VRK1: variants seen among roughly 807,000 people sequenced by gnomAD.
VRK1 encodes serine/threonine-protein kinase VRK1.
VRK1 carries 33 observed loss-of-function variants against 57.1 expected under a neutral mutation model. That is an observed-to-expected ratio of 0.58 (90% CI 0.44 to 0.77). The LOEUF (loss-of-function observed/expected upper bound fraction) is 0.77, where lower values mean the gene tolerates loss of function less well. VRK1 is among the 30% of genes least tolerant of loss of function. VRK1 has a pLI of 0.00. For missense variants in VRK1, 413 were observed against 477.3 expected, an observed-to-expected ratio of 0.87 and a Z score of 1.25; for synonymous variants, 137 against 147.8, an observed-to-expected ratio of 0.93 and a Z score of 0.53.
chr14:96,801,967 C>T (rs1486455023), intron 1 of VRK1, among the ~76,000 whole-genome samples: 1 of 151,940 alleles, frequency 6.6e-6, no homozygotes, highest in East Asian at 1.9e-4. Context: ...TCATGTTGTT[C>T]AAGGGTCAGC....
intron 1 of VRK1, among the ~76,000 whole-genome samples, chr14:96,798,753 A>G (rs1480933337): frequency 6.6e-6 from 1 of 152,354 alleles, no homozygotes; most frequent in African/African-American, 2.4e-5. Context: ...TTCAGAAGGA[A>G]GCAAGGGTTC....
At chr14:96,835,084 T>C (rs577507635) in intron 2 of VRK1, among the ~76,000 whole-genome samples, 1 of 152,326 alleles carries the variant, frequency 6.6e-6, no homozygotes, top group South Asian at 2.1e-4. Context: ...TAATAGGCAA[T>C]GATTTGACCT....
intron 11 of VRK1, among the ~76,000 whole-genome samples, chr14:96,861,642 A>G (rs1219517732): frequency 1.3e-5 from 2 of 152,198 alleles, no homozygotes; most frequent in African/African-American, 2.4e-5. Flanking sequence ...TATCTTTTCA[A>G]TTAACAAAGG....
intron 11 of VRK1, among the ~76,000 whole-genome samples, chr14:96,874,323 A>T (rs1396709054): frequency 6.6e-6 from 1 of 152,126 alleles, no homozygotes; most frequent in Non-Finnish European, 1.5e-5. Context: ...GATGTACCTA[A>T]TGCACTCCAT....
chr14:96,808,022 TGTGTGTGTG>T (rs1566683643), intron 1 of VRK1, among the ~76,000 whole-genome samples: 2 of 46,066 alleles, frequency 4.3e-5, no homozygotes, highest in Admixed American at 2.9e-4. Context: ...TCCCTCTGTG[TGTGTGTGTG>T]TGTGTGTGTG....
Position 96,806,740 on chromosome 14 carries a change from A to G in VRK1, c.-6+9293A>G, listed in dbSNP as rs141356050. On this transcript the variant is annotated intron_variant, in intron 1 of 12. Coordinates refer to ENST00000216639, the MANE Select transcript of VRK1 (RefSeq NM_003384.3). ...ATCATCATCATTTTCACTTTGATAT[A>G]CCTGAAGGTATTTTTCTCTGGAGAG... Among the ~76,000 whole-genome samples, 63 of 152,288 alleles carry G rather than the reference A, an allele frequency of 4.1e-4. No homozygotes were observed. The East Asian group carries it at 0.011, about 27-fold the overall frequency.
intron 5 of VRK1, among the ~76,000 whole-genome samples, chr14:96,851,749 A>G (rs1887957752): frequency 6.6e-6 from 1 of 152,250 alleles, no homozygotes; most frequent in Non-Finnish European, 1.5e-5. Context: ...GCCACATACT[A>G]GAGGACAAAT....
At chr14:96,853,877 T>G (rs1157151902) in intron 7 of VRK1, among the ~76,000 whole-genome samples, 3 of 152,138 alleles carry the variant, frequency 2.0e-5, no homozygotes, top group Admixed American at 1.3e-4. Flanking sequence ...AAAGGAAGAT[T>G]TAAACATTTT....
chr14:96,820,536 T>G lies in VRK1; in HGVS notation c.-5-12931T>G, dbSNP rs140727940. Among the ~76,000 whole-genome samples, 1,423 of 152,270 alleles carry G rather than the reference T, an allele frequency of 9.3e-3. 20 individuals carry two copies. Among genetic ancestry groups the G allele is most frequent in the African/African-American group, 0.031 (1,278 of 41,540 alleles). On this transcript the variant is annotated intron_variant, in intron 1 of 12. Coordinates refer to ENST00000216639, the MANE Select transcript of VRK1 (RefSeq NM_003384.3). Reference sequence around the variant, plus strand: ...CCAAATGCGTTGTTGATGTTGTGAGTTGTCTCTGCTGCTTTACAACCCATT... The same window carrying G: ...CCAAATGCGTTGTTGATGTTGTGAGGTGTCTCTGCTGCTTTACAACCCATT...
At chr14:96,814,027 G>A (rs921272066) in intron 1 of VRK1, among the ~76,000 whole-genome samples, 1 of 152,078 alleles carries the variant, frequency 6.6e-6, no homozygotes, top group Non-Finnish European at 1.5e-5. Flanking sequence ...ATAGATGCTT[G>A]AATATTGATG....
chr14:96,823,516 G>A lies in VRK1; in HGVS notation c.-5-9951G>A, dbSNP rs377328116. ...CTTTTCCAGTTGTGTGTGTATGGGG[G>A]CAGGAATGATTCTGTAGTCATCAGG... On this transcript the variant is annotated intron_variant, in intron 1 of 12. Transcript: ENST00000216639. 5.3e-5 allele frequency among the ~76,000 whole-genome samples: 8 copies of A among 152,292 alleles called. No homozygotes were observed. In the East Asian group the frequency reaches 1.5e-3, roughly 29 times the overall value.
At chr14:96,808,012 T>TCTCTCTCC (rs1566683575) in intron 1 of VRK1, among the ~76,000 whole-genome samples, 1 of 113,676 alleles carries the variant, frequency 8.8e-6, no homozygotes, top group African/African-American at 3.7e-5. Context: ...CCTCTCTCTC[T>TCTCTCTCC]CCCTCTGTGT....
Position 96,876,033 on chromosome 14 carries a change from C to G in VRK1, c.1072C>G (p.Arg358Gly), listed in dbSNP as rs137853063. ...TCTCTTTAATTTTATATGTAAGAAG[C>G]GAAAGAAAGAAATTGAAGAAAGCAA... The part of the protein sequence containing the change: ...GLKAKTITKK[R>G]KKEIEESKEP... The change falls in exon 12 of 13, where the codon CGA becomes GGA. Residue 358 changes from arginine (R) to glycine (G), a missense_variant. Around this residue, in one of 3 missense-constraint regions of VRK1, gnomAD observed 146 missense variants for 138.2 expected, o/e 1.06. Transcript: ENST00000216639. The G allele has an allele frequency of 6.2e-7, 1 of 1,612,232 alleles. No individual in the cohort carries two copies. The highest frequency in any genetic ancestry group is 1.3e-5 in the African/African-American group (1 of 74,760).
At chr14:96,808,024 TGTGTG>T (rs1566683651) in intron 1 of VRK1, among the ~76,000 whole-genome samples, 1 of 47,320 alleles carries the variant, frequency 2.1e-5, no homozygotes, top group South Asian at 7.3e-4. Flanking sequence ...CCTCTGTGTG[TGTGTG>T]TGTGTGTGTG....
intron 3 of VRK1, among the ~76,000 whole-genome samples, chr14:96,843,048 A>C (rs747705824): frequency 7.2e-5 from 11 of 152,236 alleles, no homozygotes; most frequent in Non-Finnish European, 1.2e-4. Flanking sequence ...AGACATACCC[A>C]TTCAAGGTAG....
intron 11 of VRK1, among the ~76,000 whole-genome samples, chr14:96,863,890 C>T (rs138942248): frequency 5.3e-5 from 8 of 152,204 alleles, no homozygotes; most frequent in Non-Finnish European, 1.0e-4. Context: ...GCAGCTGCTC[C>T]GGTGGACAGC....
At chr14:96,814,591 A>G (rs1284227378) in intron 1 of VRK1, among the ~76,000 whole-genome samples, 1 of 152,200 alleles carries the variant, frequency 6.6e-6, no homozygotes, top group Non-Finnish European at 1.5e-5. Flanking sequence ...CCCTTAAGGC[A>G]TTCTCTGCTA....
intron 11 of VRK1, among the ~76,000 whole-genome samples, chr14:96,866,983 TTTCTC>T (rs530490444): frequency 4.9e-4 from 75 of 152,334 alleles, no homozygotes; most frequent in African/African-American, 1.5e-3. Flanking sequence ...TTTATGTTCT[TTTCTC>T]ACGAGTAAAC....
chr14:96,800,532 T>C (rs992917508), intron 1 of VRK1, among the ~76,000 whole-genome samples: 8 of 152,298 alleles, frequency 5.3e-5, no homozygotes, highest in Non-Finnish European at 1.0e-4. Flanking sequence ...AAGAAACTGC[T>C]CTACTTTTAC....
Sources: gnomAD v4.1 joint callset for allele counts (sites outside exome capture counted in the v4.1 genomes callset) on GRCh38, gnomAD v4.1.1 for gene constraint, gnomAD v4.1.1 regional missense constraint, MANE v1.5 for transcripts, NCBI Gene and HGNC (gene_info 2026-07-23, HGNC 2026-07-21) for gene names.